Variants in FARP1 observed in about 807,000 individuals in gnomAD.
The protein encoded by FARP1 is FERM, ARHGEF and pleckstrin domain-containing protein 1.
Under a neutral mutation model 128.8 loss-of-function variants are expected in FARP1, and 52 were observed. The observed-to-expected ratio is 0.40, with a 90% CI of 0.32 to 0.51. FARP1 has a LOEUF of 0.51. Among genes scored for constraint, FARP1 ranks in the 20% least tolerant of loss-of-function variants. FARP1 has a pLI of 0.45. For synonymous variants in FARP1, 580 were observed against 551.8 expected, an observed-to-expected ratio of 1.05 and a Z score of -0.72; for missense variants, 1,333 against 1,367.9, an observed-to-expected ratio of 0.97 and a Z score of 0.40.
Position 98,176,967 on chromosome 13 carries a change from G to C in FARP1, c.-24+33475G>C. The C allele has an allele frequency of 6.2e-7, 1 of 1,600,844 alleles. No homozygotes were observed. Among genetic ancestry groups the C allele is most frequent in the Non-Finnish European group, 8.5e-7 (1 of 1,179,844 alleles). ...AGCGGGTGGACCTGTACACCACGTC[G>C]AGGCTCTCAGGCGCCGCCTCCTCGC... On this transcript the variant is annotated intron_variant, in intron 1 of 26. Transcript: ENST00000319562. This position sits in a 1 kb window ranked among gnomAD's most constrained non-coding sequence, Gnocchi z 6.2.
intron 1 of FARP1, among the ~76,000 whole-genome samples, chr13:98,186,473 C>T (rs1646994527): frequency 6.6e-6 from 1 of 152,166 alleles, no homozygotes; most frequent in Admixed American, 6.5e-5. Flanking sequence ...TACTTTCTGT[C>T]TGTCTGAATT....
intron 1 of FARP1, among the ~76,000 whole-genome samples, chr13:98,185,990 G>T (rs9584767): frequency 0.4 from 60,355 of 152,090 alleles, 12,385 homozygotes; most frequent in Non-Finnish European, 0.44. Flanking sequence ...GAGCCACCGC[G>T]TCCGGCCACA....
At chr13:98,307,513 T>G (rs1467918641) in intron 2 of FARP1, among the ~76,000 whole-genome samples, 1 of 152,102 alleles carries the variant, frequency 6.6e-6, no homozygotes, top group Non-Finnish European at 1.5e-5. Flanking sequence ...CCCGAGGTGG[T>G]GTCGTGAGTC....
intron 21 of FARP1, 72 bp downstream of exon 21, chr13:98,439,268 G>A (rs1892424204): frequency 3.9e-6 from 4 of 1,017,304 alleles, no homozygotes; most frequent in Middle Eastern, 2.1e-4. Context: ...CTGACCCGGC[G>A]ATGAGGAGGG....
intron 2 of FARP1, among the ~76,000 whole-genome samples, chr13:98,242,869 A>G (rs903110748): frequency 6.6e-6 from 1 of 152,234 alleles, no homozygotes; most frequent in Admixed American, 6.5e-5. Context: ...GTCTTTCACT[A>G]ATAAGACAAG....
intron 3 of FARP1, among the ~76,000 whole-genome samples, chr13:98,362,764 G>A (rs953420425): frequency 7.2e-5 from 11 of 152,086 alleles, no homozygotes; most frequent in Admixed American, 2.0e-4. Flanking sequence ...AAATTAACTC[G>A]GCTGGAACCT....
Position 98,451,579 on chromosome 13 carries a change from G to A in FARP1, c.*3262G>A, listed in dbSNP as rs1385191469. On this transcript the variant is annotated 3_prime_UTR_variant, in exon 27 of 27. Coordinates refer to ENST00000319562, the MANE Select transcript of FARP1 (RefSeq NM_005766.4). ...TCAAGCATCTGTAGCTCAGGGCTCT[G>A]TCCCCTCCCTATAGCTTAGAGGCCA... 6.6e-6 allele frequency: 1 copy of A among 152,096 alleles called. No individual in the cohort carries two copies. Among genetic ancestry groups the A allele is most frequent in the Non-Finnish European group, 1.5e-5 (1 of 68,034 alleles). The allele number at this position is 152,096 out of a possible 1,614,324, so 9.4% of individuals were successfully genotyped here.
chr13:98,395,076 T>G, intron 12 of FARP1, 151 bp from the exon 13 acceptor site: 1 of 823,346 alleles, frequency 1.2e-6, no homozygotes, highest in Non-Finnish European at 1.8e-6. Context: ...TGTGCCTCCG[T>G]GATTGCTGCT....
Position 98,183,284 on chromosome 13 carries a change from T to C in FARP1, c.-23-29936T>C, listed in dbSNP as rs539382369. ...GTGGCTTCCATTCTGGATATTTTTT[T>C]TTCTAGTCCATTTATTTCTTCAACT... On this transcript the variant is annotated intron_variant, in intron 1 of 26. Coordinates refer to ENST00000319562, the MANE Select transcript of FARP1 (RefSeq NM_005766.4). Among the ~76,000 whole-genome samples, 151 of 152,354 alleles carry C rather than the reference T, an allele frequency of 9.9e-4. 1 individual carries two copies. Among genetic ancestry groups the C allele is most frequent in the African/African-American group, 3.5e-3 (144 of 41,580 alleles).
At chr13:98,374,285 A>T (rs1417657338) in intron 5 of FARP1, among the ~76,000 whole-genome samples, 2 of 152,158 alleles carry the variant, frequency 1.3e-5, no homozygotes, top group Non-Finnish European at 2.9e-5. Flanking sequence ...TTAGCTGGGC[A>T]TGGTGGTGTG....
chr13:98,203,193 TC>T lies in FARP1; in HGVS notation c.-23-10026del, dbSNP rs148024467. Among the ~76,000 whole-genome samples the T allele has an allele frequency of 4.8e-3, 731 of 152,364 alleles. 3 individuals carry two copies. Among genetic ancestry groups the T allele is most frequent in the African/African-American group, 0.017 (697 of 41,594 alleles). On this transcript the variant is annotated intron_variant, in intron 1 of 26. Transcript: ENST00000319562. ...TACCTCCCTCTCCTTCCAGAGAGGCTCTTTGTGTTCACAGGAATATTCACGG... is the reference window on the plus strand; with the variant it reads ...TACCTCCCTCTCCTTCCAGAGAGGCTTTTGTGTTCACAGGAATATTCACGG...
intron 2 of FARP1, among the ~76,000 whole-genome samples, 200 bp from the exon 3 acceptor site, chr13:98,343,562 G>T (rs1888058030): frequency 6.6e-6 from 1 of 152,200 alleles, no homozygotes. Flanking sequence ...TAAGAGATTT[G>T]CATCCAATTT....
intron 8 of FARP1, among the ~76,000 whole-genome samples, 159 bp from the exon 9 acceptor site, chr13:98,388,224 A>G (rs1890172021): frequency 6.6e-6 from 1 of 152,230 alleles, no homozygotes; most frequent in African/African-American, 2.4e-5. Context: ...AACAGGTATC[A>G]TCCGATAGCC....
At chr13:98,376,759 G>GTTTCTTT (rs1889601804) in intron 5 of FARP1, among the ~76,000 whole-genome samples, 1 of 103,452 alleles carries the variant, frequency 9.7e-6, no homozygotes, top group Admixed American at 1.1e-4. Flanking sequence ...GGTTTTTTGT[G>GTTTCTTT]TTTTTTTTTT....
chr13:98,250,210 T>A (rs1336483949), intron 2 of FARP1, among the ~76,000 whole-genome samples: 1 of 152,184 alleles, frequency 6.6e-6, no homozygotes, highest in African/African-American at 2.4e-5. Context: ...AGTCTGTCAT[T>A]CTTTAAAATG....
chr13:98,346,212 A>T (rs9517264), intron 3 of FARP1, among the ~76,000 whole-genome samples: 22 of 135,384 alleles, frequency 1.6e-4, no homozygotes, highest in African/African-American at 4.7e-4. Flanking sequence ...TTTTTTGAGA[A>T]GGTGTCTTTC....
At chr13:98,436,035 TA>T (rs1038104287) in intron 19 of FARP1, 609 of 319,046 alleles carry the variant, frequency 1.9e-3, no homozygotes, top group South Asian at 2.9e-3. Flanking sequence ...AATGGAAAAT[TA>T]AAAAAAAAAT....
At chr13:98,372,085 T>C (rs1028141765) in intron 5 of FARP1, among the ~76,000 whole-genome samples, 6 of 141,238 alleles carry the variant, frequency 4.2e-5, no homozygotes, top group Non-Finnish European at 7.7e-5. Flanking sequence ...GTTTTTCTTT[T>C]TTTTTTTTTT....
At chr13:98,260,534 A>G (rs1365238681) in intron 2 of FARP1, among the ~76,000 whole-genome samples, 1 of 152,202 alleles carries the variant, frequency 6.6e-6, no homozygotes, top group Non-Finnish European at 1.5e-5. Flanking sequence ...CTGGAACTCA[A>G]TCCAGCTCAA....
Sources: gnomAD v4.1 joint callset for allele counts (sites outside exome capture counted in the v4.1 genomes callset) on GRCh38, gnomAD v4.1.1 for gene constraint, Gnocchi (gnomAD v3.1) non-coding constraint, MANE v1.5 for transcripts, NCBI Gene and HGNC (gene_info 2026-07-23, HGNC 2026-07-21) for gene names.